Variants in SEC31A observed in about 807,000 individuals in gnomAD.
SEC31A encodes SEC31 homolog A, COPII component.
SEC31A carries 70 observed loss-of-function variants against 151.0 expected under a neutral mutation model. The observed-to-expected ratio is 0.46, with a 90% CI of 0.38 to 0.57. The LOEUF is 0.57. Among genes scored for constraint, SEC31A ranks in the 20% least tolerant of loss-of-function variants. The pLI is 0.00. For synonymous variants in SEC31A, 475 were observed against 505.9 expected, an observed-to-expected ratio of 0.94 and a Z score of 0.82; for missense variants, 1,330 against 1,471.2, an observed-to-expected ratio of 0.90 and a Z score of 1.57.
At chr4:82,820,628 T>C (rs1422971797) in intron 26 of SEC31A, among the ~76,000 whole-genome samples, 2 of 152,144 alleles carry the variant, frequency 1.3e-5, no homozygotes, top group Non-Finnish European at 2.9e-5. Flanking sequence ...ATAATGGCTA[T>C]CCTAAAAGAA....
At chr4:82,865,793 G>A (rs546425857) in intron 10 of SEC31A, among the ~76,000 whole-genome samples, 1 of 151,980 alleles carries the variant, frequency 6.6e-6, no homozygotes, top group Non-Finnish European at 1.5e-5. Flanking sequence ...ACAGGAAATG[G>A]GGAGCTGTTG....
Position 82,827,407 on chromosome 4 carries a change from C to G in SEC31A, c.3253G>C (p.Glu1085Gln), listed in dbSNP as rs1325333598. 1 of 1,614,174 alleles carries G rather than the reference C, an allele frequency of 6.2e-7. No individual in the cohort carries two copies. ...MPPSFSKPNIEGAPGAPIGNT... is the reference protein window; with the variant it reads ...MPPSFSKPNIQGAPGAPIGNT... Reference sequence around the variant, plus strand: ...CCAATAGGAGCCCCTGGGGCACCTTCAATATTGGGCTTTGAAAAAGATGGT... The same window carrying G: ...CCAATAGGAGCCCCTGGGGCACCTTGAATATTGGGCTTTGAAAAAGATGGT... Residue 1085 changes from glutamate (E) to glutamine (Q), a missense_variant, in exon 24 of 27, where the codon GAA becomes CAA. Transcript: ENST00000395310.
chr4:82,858,255 C>T (rs768230750), intron 14 of SEC31A, among the ~76,000 whole-genome samples: 19 of 150,988 alleles, frequency 1.3e-4, no homozygotes, highest in Non-Finnish European at 2.5e-4. Context: ...TACTAAAATA[C>T]AAAAAATTGG....
At position 82,878,717 on chromosome 4, in the gene SEC31A, T is replaced by C; in HGVS notation, c.402+13A>G. 1.2e-6 allele frequency: 2 copies of C among 1,604,844 alleles called. No individual in the cohort carries two copies. Among genetic ancestry groups the C allele is most frequent in the Non-Finnish European group, 1.7e-6 (2 of 1,171,918 alleles). On this transcript the variant is annotated intron_variant, in intron 4 of 26. Transcript: ENST00000395310. ...CACATAGTCTAAGAATTATGAAATG[T>C]TAAAGTCTTAACCTGGAAAATGTTC...
At chr4:82,834,965 C>T (rs1446156602) in intron 22 of SEC31A, among the ~76,000 whole-genome samples, 1 of 152,170 alleles carries the variant, frequency 6.6e-6, no homozygotes, top group Admixed American at 6.6e-5. Flanking sequence ...CCTGCCTTAG[C>T]CTCCTGAGTA....
upstream of SEC31A, chr4:82,893,487 T>G (rs1578432207): frequency 2.6e-5 from 4 of 152,216 alleles, no homozygotes; most frequent in African/African-American, 9.6e-5. Flanking sequence ...TGTAACTTTT[T>G]CCATAGCAGC....
exon 1 of SEC31A, chr4:82,900,505 A>G: frequency 2.3e-6 from 1 of 444,370 alleles, no homozygotes; most frequent in Non-Finnish European, 4.0e-6. Context: ...ACAGAAGGAA[A>G]ATAAACCGGT....
upstream of SEC31A, chr4:82,894,959 C>T (rs991689557): frequency 6.6e-6 from 1 of 152,166 alleles, no homozygotes; most frequent in African/African-American, 2.4e-5. Context: ...TTTCAAGACC[C>T]CTCATATTTT....
rs748159728 is a variant in SEC31A, at chr4:82,844,368, TG to T, written c.2626+17del. On this transcript the variant is annotated intron_variant, in intron 21 of 26. Coordinates refer to ENST00000395310, the MANE Select transcript of SEC31A (RefSeq NM_001077207.4). Reference sequence around the variant, plus strand: ...CATAAATACTGCTCTGAAAGGACTTTGGGGTCACACTACTTACGCTGTGGCT... The same window carrying T: ...CATAAATACTGCTCTGAAAGGACTTTGGGTCACACTACTTACGCTGTGGCT... 26 of 1,610,776 alleles carry T rather than the reference TG, an allele frequency of 1.6e-5. No individual in the cohort carries two copies. The highest frequency in any genetic ancestry group is 6.8e-5 in the Admixed American group (4 of 59,234).
chr4:82,848,573 A>T (rs953799008), intron 20 of SEC31A, among the ~76,000 whole-genome samples: 3 of 152,232 alleles, frequency 2.0e-5, no homozygotes, highest in Non-Finnish European at 4.4e-5. Flanking sequence ...CTCCCTAGAG[A>T]ACTTAAAACC....
intron 22 of SEC31A, 115 bp from the exon 23 acceptor site, chr4:82,829,173 A>G: frequency 2.5e-6 from 2 of 810,574 alleles, no homozygotes; most frequent in Non-Finnish European, 4.1e-6. Context: ...TAACTGTCAC[A>G]AAGGTTTTAC....
At chr4:82,846,403 A>ATAC (rs1553928500) in intron 20 of SEC31A, among the ~76,000 whole-genome samples, 1 of 148,316 alleles carries the variant, frequency 6.7e-6, no homozygotes, top group Non-Finnish European at 1.5e-5. Context: ...AATAATAATA[A>ATAC]TACAATTGAC....
At chr4:82,899,767 GAAGC>G (rs1235036621) in intron 2 of SEC31A, 1 of 152,662 alleles carries the variant, frequency 6.6e-6, no homozygotes. Flanking sequence ...AGGGGAAAAA[GAAGC>G]AATCTTGTTA....
At chr4:82,843,129 GT>G (rs367954736) in intron 21 of SEC31A, among the ~76,000 whole-genome samples, 420 of 141,052 alleles carry the variant, frequency 3.0e-3, no homozygotes, top group Non-Finnish European at 3.8e-3. Flanking sequence ...GGAGTTGTGG[GT>G]TTTTTTTTTT....
intron 1 of SEC31A, among the ~76,000 whole-genome samples, chr4:82,884,847 A>G (rs967311425): frequency 2.6e-5 from 4 of 152,170 alleles, no homozygotes; most frequent in Non-Finnish European, 5.9e-5. Context: ...TGATTTGTTT[A>G]GATCTCCTAT....
chr4:82,862,649 C>T, intron 12 of SEC31A, 77 bp from the exon 13 acceptor site: 4 of 1,284,832 alleles, frequency 3.1e-6, no homozygotes, highest in Non-Finnish European at 4.5e-6. Flanking sequence ...CCTCTTGCTT[C>T]TCACTGGCGA....
chr4:82,832,483 C>G (rs576826094), intron 22 of SEC31A, among the ~76,000 whole-genome samples: 1 of 152,278 alleles, frequency 6.6e-6, no homozygotes, highest in South Asian at 2.1e-4. Flanking sequence ...CAATACCACT[C>G]AGGACATAGA....
intron 3 of SEC31A, among the ~76,000 whole-genome samples, chr4:82,896,477 C>T (rs1408966522): frequency 1.3e-5 from 2 of 152,168 alleles, no homozygotes; most frequent in African/African-American, 2.4e-5. Flanking sequence ...CTTAGCCTTT[C>T]AAAGTGCTGG....
Position 82,852,450 on chromosome 4 carries a change from A to G in SEC31A, c.2155-846T>C, listed in dbSNP as rs537874638. Among the ~76,000 whole-genome samples the G allele has an allele frequency of 2.6e-5, 4 of 152,238 alleles. No homozygotes were observed. The East Asian group carries it at 7.7e-4, about 29-fold the overall frequency. On this transcript the variant is annotated intron_variant, in intron 18 of 26. Transcript: ENST00000395310. ...CCATTCAATACCAAATCTTTCCACAATGGGGAGCTATGCTTCTGGTAGAAA... is the reference window on the plus strand; with the variant it reads ...CCATTCAATACCAAATCTTTCCACAGTGGGGAGCTATGCTTCTGGTAGAAA...
Sources: allele counts gnomAD v4.1 joint callset (sites outside exome capture counted in the v4.1 genomes callset), GRCh38; gene constraint gnomAD v4.1.1; transcripts MANE v1.5; gene names NCBI Gene and HGNC (gene_info 2026-07-23, HGNC 2026-07-21).